The following VAV3 variants were observed in gnomAD, a reference collection of about 807,000 sequenced individuals.
The protein encoded by VAV3 is vav guanine nucleotide exchange factor 3.
A neutral mutation model predicts 131.2 loss-of-function variants in VAV3; 94 were observed. The observed-to-expected ratio is 0.72, with a 90% CI of 0.61 to 0.85. The LOEUF (loss-of-function observed/expected upper bound fraction) is 0.85. VAV3 is among the 40% of genes least tolerant of loss of function. VAV3 has a pLI of 0.00. For missense variants in VAV3, 939 were observed against 1,002.7 expected, an observed-to-expected ratio of 0.94 and a Z score of 0.86; for synonymous variants, 349 against 342.0, an observed-to-expected ratio of 1.02 and a Z score of -0.22.
intron 1 of VAV3, among the ~76,000 whole-genome samples, chr1:107,911,019 A>G (rs900454809): frequency 3.9e-5 from 6 of 152,090 alleles, no homozygotes; most frequent in African/African-American, 1.4e-4. Flanking sequence ...AAAGCAAGGT[A>G]GGCTTGAGTC....
intron 2 of VAV3, among the ~76,000 whole-genome samples, chr1:107,853,252 T>C (rs1460996374): frequency 6.6e-6 from 1 of 152,214 alleles, no homozygotes. Flanking sequence ...CATGTGGCTA[T>C]GGCAAGTTAC....
intron 25 of VAV3, among the ~76,000 whole-genome samples, chr1:107,595,929 AG>A (rs1651341606): frequency 6.6e-6 from 1 of 152,200 alleles, no homozygotes; most frequent in African/African-American, 2.4e-5. Context: ...TTAATATAAA[AG>A]TCAATGAAAA....
At chr1:107,881,566 G>C (rs1000119337) in intron 1 of VAV3, among the ~76,000 whole-genome samples, 1 of 152,142 alleles carries the variant, frequency 6.6e-6, no homozygotes, top group Admixed American at 6.5e-5. Flanking sequence ...TAACAACAAA[G>C]CCATGTGTCT....
intron 1 of VAV3, among the ~76,000 whole-genome samples, chr1:107,910,105 T>A (rs112308282): frequency 1.3e-5 from 2 of 152,198 alleles, no homozygotes; most frequent in African/African-American, 4.8e-5. Flanking sequence ...ATTATCCTCA[T>A]TTTACAGAAG....
At chr1:107,671,045 G>A (rs1172889915) in intron 19 of VAV3, among the ~76,000 whole-genome samples, 1 of 152,206 alleles carries the variant, frequency 6.6e-6, no homozygotes, top group Non-Finnish European at 1.5e-5. Flanking sequence ...AAATGGCAAA[G>A]TTTCTTCCTC....
At chr1:107,584,145 C>T (rs1650301025) in intron 25 of VAV3, among the ~76,000 whole-genome samples, 2 of 152,190 alleles carry the variant, frequency 1.3e-5, no homozygotes. Context: ...TGACAAAAAA[C>T]AAGCAATGGG....
intron 19 of VAV3, among the ~76,000 whole-genome samples, chr1:107,660,087 T>TG (rs1490031481): frequency 2.0e-5 from 3 of 152,194 alleles, no homozygotes; most frequent in Non-Finnish European, 4.4e-5. Context: ...ACGGATCATC[T>TG]AATTCACCTT....
At chr1:107,762,307 T>C (rs1449202880) in intron 9 of VAV3, among the ~76,000 whole-genome samples, 3 of 152,108 alleles carry the variant, frequency 2.0e-5, no homozygotes, top group African/African-American at 4.8e-5. Flanking sequence ...TTCTGGCACA[T>C]GGAATGATAT....
intron 19 of VAV3, among the ~76,000 whole-genome samples, chr1:107,674,497 A>G (rs1177084911): frequency 6.6e-6 from 1 of 152,224 alleles, no homozygotes; most frequent in African/African-American, 2.4e-5. Context: ...ACCAGATCCC[A>G]CTGCTAATTT....
intron 19 of VAV3, among the ~76,000 whole-genome samples, chr1:107,661,111 C>T (rs1656978995): frequency 6.6e-6 from 1 of 151,968 alleles, no homozygotes. Flanking sequence ...ATTATGAGAA[C>T]TTTTTTCCTT....
At chr1:107,693,212 T>C (rs1392323491) in intron 17 of VAV3, among the ~76,000 whole-genome samples, 1 of 152,078 alleles carries the variant, frequency 6.6e-6, no homozygotes, top group Non-Finnish European at 1.5e-5. Context: ...GTTGCCATAG[T>C]GAATGTGAAG....
At chr1:107,642,507 T>C (rs1329176638) in intron 20 of VAV3, 112 bp downstream of exon 20, 4 of 1,253,266 alleles carry the variant, frequency 3.2e-6, no homozygotes, top group African/African-American at 3.1e-5. Context: ...ACTTTCTTAA[T>C]CAACTTGCTT....
intron 2 of VAV3, among the ~76,000 whole-genome samples, chr1:107,800,124 T>G (rs1645954445): frequency 6.6e-6 from 1 of 152,186 alleles, no homozygotes; most frequent in African/African-American, 2.4e-5. Flanking sequence ...CATATTTTGG[T>G]GTTTGTGAAT....
chr1:107,819,134 C>T (rs902804943), intron 2 of VAV3, among the ~76,000 whole-genome samples: 3 of 152,074 alleles, frequency 2.0e-5, no homozygotes, highest in African/African-American at 7.2e-5. Flanking sequence ...AAATAGATTG[C>T]CTCCAGGAAA....
At chr1:107,897,803 T>C (rs946059611) in intron 1 of VAV3, among the ~76,000 whole-genome samples, 10 of 152,162 alleles carry the variant, frequency 6.6e-5, no homozygotes, top group Non-Finnish European at 1.5e-4. Flanking sequence ...CTCTCCTTTA[T>C]GAAATGAAAG....
intron 1 of VAV3, among the ~76,000 whole-genome samples, chr1:107,891,019 G>A (rs2101059981): frequency 1.3e-5 from 2 of 152,012 alleles, no homozygotes; most frequent in Middle Eastern, 6.8e-3. Flanking sequence ...ATTTTAAATA[G>A]CCACTTGTAT....
chr1:107,910,862 C>G (rs894302564), intron 1 of VAV3, among the ~76,000 whole-genome samples: 3 of 152,098 alleles, frequency 2.0e-5, no homozygotes, highest in Non-Finnish European at 1.5e-5. Context: ...TGCCTGCAAT[C>G]CCAGCTACTC....
intron 1 of VAV3, among the ~76,000 whole-genome samples, chr1:107,892,231 C>T (rs1009655944): frequency 3.3e-5 from 5 of 152,228 alleles, no homozygotes; most frequent in South Asian, 2.1e-4. Context: ...GGGAAAATTA[C>T]GTTTTCCTTA....
chr1:107,638,453 A>C (rs551513995), intron 20 of VAV3, among the ~76,000 whole-genome samples: 10 of 152,210 alleles, frequency 6.6e-5, no homozygotes, highest in African/African-American at 2.4e-4. Flanking sequence ...TGAAATATGA[A>C]ATAATTACAG....
Sources: gnomAD v4.1 joint callset for allele counts (sites outside exome capture counted in the v4.1 genomes callset) on GRCh38, gnomAD v4.1.1 for gene constraint, MANE v1.5 for transcripts, NCBI Gene and HGNC (gene_info 2026-07-23, HGNC 2026-07-21) for gene names.